The following TRPC4 variants were observed in gnomAD, a reference collection of about 807,000 sequenced individuals.
TRPC4 encodes the protein transient receptor potential cation channel subfamily C member 4, also known as short transient receptor potential channel 4.
TRPC4 carries 49 observed loss-of-function variants against 99.4 expected under a neutral mutation model. The ratio of observed to expected loss-of-function variants is 0.49; its 90% CI spans 0.39 to 0.63. The LOEUF (loss-of-function observed/expected upper bound fraction) is 0.63. Among genes scored for constraint, TRPC4 ranks in the 20% least tolerant of loss-of-function variants. The pLI is 0.00. For synonymous variants in TRPC4, 454 were observed against 425.9 expected, an observed-to-expected ratio of 1.07 and a Z score of -0.81; for missense variants, 898 against 1,152.9, an observed-to-expected ratio of 0.78 and a Z score of 3.20.
chr13:37,738,798 G>C (rs1224970033), intron 3 of TRPC4, among the ~76,000 whole-genome samples: 1 of 152,152 alleles, frequency 6.6e-6, no homozygotes, highest in Non-Finnish European at 1.5e-5. Flanking sequence ...TGGGCATTAA[G>C]AAAGGTAAAA....
chr13:37,678,797 C>A (rs970154732), intron 4 of TRPC4, among the ~76,000 whole-genome samples: 15 of 151,958 alleles, frequency 9.9e-5, no homozygotes, highest in Non-Finnish European at 2.1e-4. Flanking sequence ...AACTACACAC[C>A]AATAGCCCTT....
chr13:37,729,923 T>C (rs1955189506), intron 3 of TRPC4, among the ~76,000 whole-genome samples: 1 of 152,048 alleles, frequency 6.6e-6, no homozygotes, highest in African/African-American at 2.4e-5. Flanking sequence ...GGTTGCACGG[T>C]ATGAATGCAA....
intron 2 of TRPC4, among the ~76,000 whole-genome samples, chr13:37,764,065 A>G (rs1352162945): frequency 6.6e-6 from 1 of 151,666 alleles, no homozygotes; most frequent in Non-Finnish European, 1.5e-5. Flanking sequence ...TCCCCAAGCA[A>G]TGAGATTCCA....
intron 1 of TRPC4, among the ~76,000 whole-genome samples, chr13:37,806,903 G>A (rs548337219): frequency 6.6e-6 from 1 of 152,126 alleles, no homozygotes; most frequent in African/African-American, 2.4e-5. Flanking sequence ...GTATTGCACT[G>A]TTAGCCTCCT....
chr13:37,638,563 G>A (rs1418797782), intron 10 of TRPC4, among the ~76,000 whole-genome samples: 1 of 151,970 alleles, frequency 6.6e-6, no homozygotes, highest in Admixed American at 6.6e-5. Context: ...TGTGATTCAA[G>A]CATATAATAT....
rs572492011 is a variant in TRPC4 at position 37,740,324 on chromosome 13, G to C, written c.897+5613C>G. Among the ~76,000 whole-genome samples, 290 of 150,722 alleles carry C rather than the reference G, an allele frequency of 1.9e-3. 4 individuals carry two copies. Among genetic ancestry groups the C allele is most frequent in the African/African-American group, 6.8e-3 (275 of 40,206 alleles). ...TATCAGGTAAATCAAGAACATGAGT[G>C]GTGTTTTTAATTTGTTTGTTGATTG... is the stretch of plus-strand genomic sequence containing the variant. On this transcript the variant is annotated intron_variant, in intron 3 of 10. Coordinates refer to ENST00000379705, the MANE Select transcript of TRPC4 (RefSeq NM_016179.4).
At position 37,746,254 on chromosome 13, in the gene TRPC4, G is replaced by C. The variant is rs756787016; in HGVS notation, c.580C>G (p.Arg194Gly). The stretch of plus-strand genomic sequence containing the variant: ...GCCTTGTAGATGTTGAGTCTGGAGC[G>C]TGAGTGACGGAGGCTGTCCACATCT... ...SSDVDSLRHS[R>G]SRLNIYKALA... The change falls in exon 3 of 11, where the codon CGC becomes GGC. Residue 194 changes from arginine to glycine, a missense_variant. Physicochemically the swap from Arg to Gly is moderately radical, Grantham distance 125. This residue lies in a region of TRPC4 where 278 missense variants were observed against 346.6 expected (regional missense o/e 0.80). Coordinates refer to ENST00000379705, the MANE Select transcript of TRPC4 (RefSeq NM_016179.4). The C allele has an allele frequency of 2.5e-6, 4 of 1,613,694 alleles. No homozygotes were observed. The African/African-American group carries it at 5.3e-5, about 22-fold the overall frequency.
intron 8 of TRPC4, among the ~76,000 whole-genome samples, chr13:37,643,038 G>A (rs1295283576): frequency 2.6e-5 from 4 of 151,984 alleles, no homozygotes; most frequent in Non-Finnish European, 2.9e-5. Flanking sequence ...CCAGAAATAC[G>A]ATTCTTTTAC....
At chr13:37,713,083 C>T (rs957118837) in intron 3 of TRPC4, among the ~76,000 whole-genome samples, 1 of 152,086 alleles carries the variant, frequency 6.6e-6, no homozygotes, top group Non-Finnish European at 1.5e-5. Context: ...TTTGTTTTTT[C>T]AACCAGGAAT....
intron 3 of TRPC4, among the ~76,000 whole-genome samples, chr13:37,723,812 C>T (rs1006473391): frequency 4.6e-5 from 7 of 152,060 alleles, no homozygotes; most frequent in Non-Finnish European, 8.8e-5. Flanking sequence ...GTCTCGGGCT[C>T]CCAAAGCACT....
chr13:37,783,063 T>C lies in TRPC4; in HGVS notation c.271A>G (p.Ser91Gly), dbSNP rs766002740. ...ENLELIELLL[S>G]FNVYVGDALL... ...GCATCTCCAACATAGACATTAAAGCTTAAGAGTAGTTCGATGAGCTCCAAG... is the reference window on the plus strand; with the variant it reads ...GCATCTCCAACATAGACATTAAAGCCTAAGAGTAGTTCGATGAGCTCCAAG... Residue 91 changes from serine (S) to glycine (G), a missense_variant, in exon 2 of 11, where the codon AGC becomes GGC. This residue lies in a region of TRPC4 where 278 missense variants were observed against 346.6 expected (regional missense o/e 0.80). Transcript: ENST00000379705. 2 of 1,613,348 alleles carry C rather than the reference T, an allele frequency of 1.2e-6. No individual in the cohort carries two copies. The highest frequency in any genetic ancestry group is 1.7e-6 in the Non-Finnish European group (2 of 1,179,732).
At chr13:37,714,099 C>CT (rs956838638) in intron 3 of TRPC4, among the ~76,000 whole-genome samples, 6 of 150,062 alleles carry the variant, frequency 4.0e-5, no homozygotes, top group Non-Finnish European at 7.4e-5. Flanking sequence ...CTTTTCTTTT[C>CT]TTTTTTTTCT....
chr13:37,670,590 A>G (rs1952805557), intron 5 of TRPC4, among the ~76,000 whole-genome samples: 2 of 152,230 alleles, frequency 1.3e-5, no homozygotes, highest in African/African-American at 4.8e-5. Flanking sequence ...CATATCTTCC[A>G]GATGTTACTA....
At chr13:37,782,908 A>G (rs762077508) in intron 2 of TRPC4, 48 bp downstream of exon 2, 2 of 1,423,142 alleles carry the variant, frequency 1.4e-6, no homozygotes, top group Non-Finnish European at 1.8e-6. Flanking sequence ...AAAAAACAAA[A>G]AACCTTCTGC....
intron 1 of TRPC4, among the ~76,000 whole-genome samples, chr13:37,845,991 C>A (rs947814861): frequency 3.3e-5 from 5 of 152,118 alleles, no homozygotes; most frequent in African/African-American, 1.2e-4. Context: ...AGCAGAAACA[C>A]TTCAGGCCAG....
chr13:37,769,205 C>G (rs759948774), intron 2 of TRPC4, among the ~76,000 whole-genome samples: 1 of 151,344 alleles, frequency 6.6e-6, no homozygotes, highest in East Asian at 2.0e-4. Flanking sequence ...AAGTTTTTGC[C>G]AGCCAGATGT....
chr13:37,637,178 C>G lies in TRPC4; in HGVS notation c.2659G>C (p.Glu887Gln). ...CCCCGTGAAGCTAATCCTCGAGATT[C>G]CAGTTGAATATTTCTCTCAAGTGGT... Reference protein sequence around the residue: ...AGPLERNIQLESRGLASRGDL... With the variant: ...AGPLERNIQLQSRGLASRGDL... Residue 887 changes from glutamate (E) to glutamine (Q), a missense_variant, in exon 11 of 11, where the codon GAA (glutamate) becomes CAA (glutamine). Physicochemically the swap from Glu to Gln is conservative, Grantham distance 29 (BLOSUM62 2). Around this residue, in one of 3 missense-constraint regions of TRPC4, gnomAD observed 346 missense variants for 351.4 expected, o/e 0.98. Transcript: ENST00000379705. 6.2e-7 allele frequency: 1 copy of G among 1,613,870 alleles called. No homozygotes were observed. Among genetic ancestry groups the G allele is most frequent in the Non-Finnish European group, 8.5e-7 (1 of 1,179,860 alleles).
intron 1 of TRPC4, among the ~76,000 whole-genome samples, chr13:37,835,141 C>A (rs866919211): frequency 2.0e-5 from 3 of 151,802 alleles, no homozygotes; most frequent in South Asian, 2.1e-4. Context: ...CAATATGAAA[C>A]CTGTTTTCTA....
chr13:37,729,627 T>C (rs1387331733), intron 3 of TRPC4, among the ~76,000 whole-genome samples: 2 of 151,982 alleles, frequency 1.3e-5, no homozygotes, highest in Non-Finnish European at 1.5e-5. Flanking sequence ...ATGTGGTAAA[T>C]ACATACAATG....
Sources: allele counts gnomAD v4.1 joint callset (sites outside exome capture counted in the v4.1 genomes callset), GRCh38; gene constraint gnomAD v4.1.1; regional missense constraint gnomAD v4.1.1; transcripts MANE v1.5; gene names NCBI Gene and HGNC (gene_info 2026-07-23, HGNC 2026-07-21).